The following CCDC7 variants were observed in gnomAD, a reference collection of about 807,000 sequenced individuals.
The protein encoded by CCDC7 is coiled-coil domain-containing protein 7.
Under a neutral mutation model 196.9 loss-of-function variants are expected in CCDC7, and 183 were observed. The ratio of observed to expected loss-of-function variants is 0.93; its 90% CI spans 0.82 to 1.05. CCDC7 has a LOEUF of 1.05. Ranked by LOEUF, CCDC7 falls within the 50% of genes least tolerant of loss-of-function variation. The pLI is 0.00. For synonymous variants in CCDC7, 525 were observed against 484.6 expected (o/e 1.08, Z -1.10); for missense variants, 1,540 against 1,482.2 (o/e 1.04, Z -0.64).
At chr10:32,757,288 A>G (rs1206749886) in intron 28 of CCDC7, among the ~76,000 whole-genome samples, 1 of 152,210 alleles carries the variant, frequency 6.6e-6, no homozygotes, top group Non-Finnish European at 1.5e-5. Flanking sequence ...CCCGAAATCA[A>G]CAGAATACAC....
intron 32 of CCDC7, among the ~76,000 whole-genome samples, chr10:32,834,483 A>AAC: frequency 6.6e-6 from 1 of 152,100 alleles, no homozygotes; most frequent in Non-Finnish European, 1.5e-5. Flanking sequence ...CAGTTTGGAA[A>AAC]AGAGGCAGCA....
intron 18 of CCDC7, among the ~76,000 whole-genome samples, chr10:32,589,013 T>A (rs1385125804): frequency 1.3e-5 from 2 of 152,150 alleles, no homozygotes; most frequent in African/African-American, 4.8e-5. Context: ...TTACAAATAA[T>A]CCAATTATAC....
At chr10:32,553,958 T>A (rs2053931358) in intron 13 of CCDC7, among the ~76,000 whole-genome samples, 2 of 152,044 alleles carry the variant, frequency 1.3e-5, no homozygotes, top group South Asian at 4.2e-4. Context: ...CAGGGCTAGG[T>A]GTGGCTGAGG....
chr10:32,711,247 TG>T (rs1255410016), intron 24 of CCDC7, among the ~76,000 whole-genome samples: 2 of 151,976 alleles, frequency 1.3e-5, no homozygotes, highest in Non-Finnish European at 2.9e-5. Flanking sequence ...CAGTCTCCTG[TG>T]CTTAAAAATC....
At chr10:32,582,968 G>A (rs1209288037) in intron 16 of CCDC7, 66 bp from the exon 18 acceptor site, 1 of 925,448 alleles carries the variant, frequency 1.1e-6, no homozygotes, top group African/African-American at 1.7e-5. Flanking sequence ...TTATTAAAAT[G>A]ATTCTTCAGT....
chr10:32,609,421 G>C (rs968397175), intron 18 of CCDC7, among the ~76,000 whole-genome samples: 1 of 151,982 alleles, frequency 6.6e-6, no homozygotes, highest in African/African-American at 2.4e-5. Flanking sequence ...TATAGATATA[G>C]CTGTTCTTGC....
chr10:32,592,765 G>T (rs540351600), intron 18 of CCDC7, among the ~76,000 whole-genome samples: 1 of 152,156 alleles, frequency 6.6e-6, no homozygotes, highest in African/African-American at 2.4e-5. Flanking sequence ...TGTTCTCATT[G>T]TTCAGTTCCC....
At chr10:32,751,097 T>G (rs751743152) in intron 28 of CCDC7, among the ~76,000 whole-genome samples, 6 of 152,132 alleles carry the variant, frequency 3.9e-5, no homozygotes, top group Non-Finnish European at 7.4e-5. Flanking sequence ...TTCTCACTAG[T>G]CTTTGCCTCC....
chr10:32,554,917 T>C (rs1245704365), intron 13 of CCDC7, among the ~76,000 whole-genome samples: 1 of 152,208 alleles, frequency 6.6e-6, no homozygotes, highest in Admixed American at 6.5e-5. Context: ...CATGAGTTTG[T>C]TTTGATTTTT....
intron 28 of CCDC7, among the ~76,000 whole-genome samples, chr10:32,729,795 A>G (rs946653803): frequency 3.3e-5 from 5 of 151,902 alleles, no homozygotes; most frequent in African/African-American, 1.2e-4. Flanking sequence ...TTATAAAAGG[A>G]TTCACTTCAT....
chr10:32,576,086 A>G (rs1177627661), intron 16 of CCDC7, among the ~76,000 whole-genome samples: 1 of 152,136 alleles, frequency 6.6e-6, no homozygotes, highest in Non-Finnish European at 1.5e-5. Context: ...AGGGTCAGAT[A>G]TGTTCACATC....
At chr10:32,528,737 T>C (rs1049875322) in intron 11 of CCDC7, among the ~76,000 whole-genome samples, 2 of 143,852 alleles carry the variant, frequency 1.4e-5, no homozygotes, top group African/African-American at 5.2e-5. Context: ...TTTACGTATA[T>C]ATGTATATAT....
At chr10:32,876,319 T>G (rs2094596290) in intron 41 of CCDC7, 28 bp from the exon 43 acceptor site, 7 of 1,584,162 alleles carry the variant, frequency 4.4e-6, no homozygotes, top group Non-Finnish European at 6.0e-6. Context: ...AAACTTTTTT[T>G]CAATTAACAC....
At chr10:32,607,241 G>T (rs759397999) in intron 18 of CCDC7, among the ~76,000 whole-genome samples, 2 of 152,172 alleles carry the variant, frequency 1.3e-5, no homozygotes, top group African/African-American at 2.4e-5. Flanking sequence ...CTGGTACCAT[G>T]CTTCCTGTAC....
intron 21 of CCDC7, among the ~76,000 whole-genome samples, chr10:32,683,973 A>T (rs1440801030): frequency 6.6e-6 from 1 of 152,142 alleles, no homozygotes; most frequent in African/African-American, 2.4e-5. Context: ...CTCTATCCTC[A>T]GGGCAATGGG....
chr10:32,754,827 C>A (rs1241772859), intron 28 of CCDC7, among the ~76,000 whole-genome samples: 1 of 152,156 alleles, frequency 6.6e-6, no homozygotes, highest in East Asian at 1.9e-4. Flanking sequence ...GGCACTGCCT[C>A]ACCCAGGAAG....
chr10:32,600,852 A>G (rs995644528), intron 18 of CCDC7, among the ~76,000 whole-genome samples: 1 of 152,098 alleles, frequency 6.6e-6, no homozygotes, highest in African/African-American at 2.4e-5. Flanking sequence ...TTGAGTTACT[A>G]CTTGGTGTGC....
intron 24 of CCDC7, among the ~76,000 whole-genome samples, chr10:32,703,560 C>G (rs1264146704): frequency 6.6e-6 from 1 of 151,990 alleles, no homozygotes; most frequent in Non-Finnish European, 1.5e-5. Context: ...GAATGTTGGC[C>G]TGCCTTGCTA....
chr10:32,725,485 T>C (rs931419178), intron 25 of CCDC7: 3 of 441,970 alleles, frequency 6.8e-6, no homozygotes, highest in Non-Finnish European at 1.4e-5. Flanking sequence ...CCACTTCTTA[T>C]CCTTATTGAA....
Sources: allele counts gnomAD v4.1 joint callset (sites outside exome capture counted in the v4.1 genomes callset), GRCh38; gene constraint gnomAD v4.1.1; transcripts MANE v1.5; gene names NCBI Gene and HGNC (gene_info 2026-07-23, HGNC 2026-07-21).